LRP6: variants seen among roughly 807,000 people sequenced by gnomAD.
LRP6 encodes the protein low-density lipoprotein receptor-related protein 6.
Under a neutral mutation model 184.1 loss-of-function variants are expected in LRP6, and 43 were observed. The ratio of observed to expected loss-of-function variants is 0.23; its 90% CI spans 0.18 to 0.30. The LOEUF is 0.30. Among genes scored for constraint, LRP6 ranks in the 10% least tolerant of loss-of-function variants. The pLI is 1.00. For missense variants in LRP6, 1,571 were observed against 2,005.3 expected (o/e 0.78, Z 4.14); for synonymous variants, 719 against 684.9 (o/e 1.05, Z -0.78).
At chr12:12,187,764 A>G (rs1863512745) in intron 3 of LRP6, among the ~76,000 whole-genome samples, 1 of 152,210 alleles carries the variant, frequency 6.6e-6, no homozygotes, top group Non-Finnish European at 1.5e-5. Context: ...AGGCAGCCAA[A>G]AAGAAGTCCT....
chr12:12,151,122 T>A, intron 12 of LRP6, 84 bp from the exon 13 acceptor site: 8 of 1,180,716 alleles, frequency 6.8e-6, no homozygotes, highest in African/African-American at 1.5e-5. Flanking sequence ...CTGTTGTATG[T>A]ATTTCATACA....
chr12:12,266,647 CCCA>C (rs1034864681), intron 1 of LRP6, 31 bp downstream of exon 1: 6 of 1,602,930 alleles, frequency 3.7e-6, no homozygotes, highest in Non-Finnish European at 4.3e-6. Flanking sequence ...CCCCCCGAAC[CCCA>C]CCAACTTTCC....
intron 2 of LRP6, among the ~76,000 whole-genome samples, chr12:12,208,113 A>C (rs1864114687): frequency 6.6e-6 from 1 of 152,272 alleles, no homozygotes; most frequent in African/African-American, 2.4e-5. Flanking sequence ...AGAACTACTT[A>C]TCAATGTCAA....
chr12:12,138,007 TAA>T (rs879734445), intron 16 of LRP6, among the ~76,000 whole-genome samples: 1 of 140,172 alleles, frequency 7.1e-6, no homozygotes. Context: ...TACTAAAAAT[TAA>T]AAAAAAAAAA....
In LRP6 at chr12:12,228,620, T is replaced by C. The variant is rs541739290; in HGVS notation, c.449+15642A>G. Reference sequence around the variant, plus strand: ...GGCAAGCGAGCATTACTGCCTGAGCTCTGCCTCCTGTCACATCAGTGGCAG... The same window carrying C: ...GGCAAGCGAGCATTACTGCCTGAGCCCTGCCTCCTGTCACATCAGTGGCAG... On this transcript the variant is annotated intron_variant, in intron 2 of 22. Coordinates refer to ENST00000261349, the MANE Select transcript of LRP6 (RefSeq NM_002336.3). Among the ~76,000 whole-genome samples, 91 of 152,328 alleles carry C rather than the reference T, an allele frequency of 6.0e-4. 1 individual carries two copies. Among genetic ancestry groups the C allele is most frequent in the South Asian group, 4.8e-3 (23 of 4,832 alleles).
At chr12:12,157,740 C>T (rs1052417899) in intron 12 of LRP6, among the ~76,000 whole-genome samples, 1 of 152,028 alleles carries the variant, frequency 6.6e-6, no homozygotes, top group South Asian at 2.1e-4. Context: ...TGTTACTTTC[C>T]ATCATATTGA....
At chr12:12,172,811 G>A (rs2136969669) in intron 7 of LRP6, among the ~76,000 whole-genome samples, 1 of 152,292 alleles carries the variant, frequency 6.6e-6, no homozygotes, top group Middle Eastern at 3.4e-3. Flanking sequence ...TCACTGAGAT[G>A]ACAAGTATAA....
At chr12:12,182,629 A>C (rs1341769534) in intron 5 of LRP6, among the ~76,000 whole-genome samples, 2 of 152,234 alleles carry the variant, frequency 1.3e-5, no homozygotes, top group African/African-American at 4.8e-5. Flanking sequence ...AGAGGAGTGA[A>C]GCCTCTCAAT....
intron 5 of LRP6, among the ~76,000 whole-genome samples, 189 bp from the exon 6 acceptor site, chr12:12,181,628 A>C (rs987944290): frequency 1.3e-5 from 2 of 152,240 alleles, no homozygotes; most frequent in Admixed American, 6.5e-5. Flanking sequence ...TCTGAGGTCA[A>C]GCTGTTTAAT....
At chr12:12,203,437 C>T in intron 2 of LRP6, 37 bp from the exon 3 acceptor site, 2 of 1,496,934 alleles carry the variant, frequency 1.3e-6, no homozygotes, top group Non-Finnish European at 1.9e-6. Flanking sequence ...CATGACAGAG[C>T]AGATATCAAT....
In LRP6 at chr12:12,118,993, T is replaced by C. The variant is rs1247491141; in HGVS notation, c.*2133A>G. On this transcript the variant is annotated 3_prime_UTR_variant, in exon 23 of 23. Coordinates refer to ENST00000261349, the MANE Select transcript of LRP6 (RefSeq NM_002336.3). ...AACTGACACCCAGGTATTGCTAACC[T>C]TTCCATCTTCATTTAAGCATCAAGT... 1.3e-5 allele frequency: 2 copies of C among 152,228 alleles called. No individual in the cohort carries two copies. The highest frequency in any genetic ancestry group is 2.9e-5 in the Non-Finnish European group (2 of 68,038). 9.4% of individuals were successfully genotyped at this position (152,228 alleles called of 1,614,324 possible).
chr12:12,142,190 T>C (rs536751628), intron 15 of LRP6, among the ~76,000 whole-genome samples: 3 of 152,180 alleles, frequency 2.0e-5, no homozygotes, highest in Non-Finnish European at 4.4e-5. Context: ...TAGAACAGTT[T>C]GATATCCATA....
intron 2 of LRP6, among the ~76,000 whole-genome samples, chr12:12,231,587 A>G (rs568941388): frequency 6.6e-6 from 1 of 152,210 alleles, no homozygotes; most frequent in East Asian, 1.9e-4. Context: ...AGGCAATGAT[A>G]ACATTTGATA....
At chr12:12,224,819 A>G (rs1407633482) in intron 2 of LRP6, among the ~76,000 whole-genome samples, 1 of 152,216 alleles carries the variant, frequency 6.6e-6, no homozygotes, top group Non-Finnish European at 1.5e-5. Context: ...CAGTAATGCA[A>G]TACCAACACA....
At chr12:12,124,503 G>A in intron 22 of LRP6, 62 bp downstream of exon 22, 2 of 1,191,736 alleles carry the variant, frequency 1.7e-6, no homozygotes, top group Admixed American at 3.4e-5. Flanking sequence ...GCTATATCAG[G>A]TCCACAACTG....
Position 12,266,808 on chromosome 12 carries a change from G to A in LRP6, c.-73C>T, listed in dbSNP as rs1210427950. The A allele has an allele frequency of 8.0e-6, 10 of 1,246,724 alleles. No homozygotes were observed. The highest frequency in any genetic ancestry group is 2.5e-5 in the South Asian group (2 of 79,910). The allele number at this position is 1,246,724 out of a possible 1,614,324, so 77.2% of individuals were successfully genotyped here. A position where few individuals can be genotyped will look rare whatever the true frequency, so the allele number is the denominator to read the frequency against. On this transcript the variant is annotated 5_prime_UTR_variant, in exon 1 of 23. Coordinates refer to ENST00000261349, the MANE Select transcript of LRP6 (RefSeq NM_002336.3). ...GTGGGGGAGGCGAGGAGCCGGGGCG[G>A]CCGCCGCAGCGGCAGGGCTGCACGC...
chr12:12,131,859 G>C lies in LRP6; in HGVS notation c.3932C>G (p.Ala1311Gly). Reference sequence around the variant, plus strand: ...CTCATCTGATTTGTCCTGGCAGTTTGCATCTCCATTGCATCGGAGGGCACC... The same window carrying C: ...CTCATCTGATTTGTCCTGGCAGTTTCCATCTCCATTGCATCGGAGGGCACC... The part of the protein sequence containing the change: ...IDGALRCNGD[A>G]NCQDKSDEKN... The change falls in exon 18 of 23, where the codon GCA (alanine) becomes GGA (glycine). Residue 1311 changes from alanine (A) to glycine (G), a missense_variant. This residue lies in a region of LRP6 where 763 missense variants were observed against 859.5 expected (regional missense o/e 0.89). Transcript: ENST00000261349. 1 of 1,614,168 alleles carries C rather than the reference G, an allele frequency of 6.2e-7. No individual in the cohort carries two copies. The highest frequency in any genetic ancestry group is 8.5e-7 in the Non-Finnish European group (1 of 1,180,014).
At chr12:12,127,285 C>T (rs181403197) in intron 19 of LRP6, among the ~76,000 whole-genome samples, 3 of 152,212 alleles carry the variant, frequency 2.0e-5, no homozygotes, top group Non-Finnish European at 2.9e-5. Context: ...ATATACCATA[C>T]AAATGAACAA....
intron 2 of LRP6, among the ~76,000 whole-genome samples, chr12:12,205,329 CAAAAAAAA>C (rs56169717): frequency 5.9e-4 from 23 of 39,108 alleles, no homozygotes; most frequent in South Asian, 4.1e-3. Flanking sequence ...CTCAAACAAA[CAAAAAAAA>C]AAAAAAAAAA....
Sources: gnomAD v4.1 joint callset for allele counts (sites outside exome capture counted in the v4.1 genomes callset) on GRCh38, gnomAD v4.1.1 for gene constraint, gnomAD v4.1.1 regional missense constraint, MANE v1.5 for transcripts, NCBI Gene and HGNC (gene_info 2026-07-23, HGNC 2026-07-21) for gene names.